Variants in TUSC3 observed in about 807,000 individuals in gnomAD.
TUSC3 encodes tumor suppressor candidate 3.
Under a neutral mutation model 44.8 loss-of-function variants are expected in TUSC3, and 45 were observed. The ratio of observed to expected loss-of-function variants is 1.00; its 90% CI spans 0.79 to 1.29. The LOEUF (loss-of-function observed/expected upper bound fraction) is 1.29, where lower values mean the gene tolerates loss of function less well. Among genes scored for constraint, TUSC3 ranks in the 50% most tolerant of loss-of-function variants. The pLI, the probability that TUSC3 is intolerant of heterozygous loss-of-function variation, is 0.00. For missense variants in TUSC3, 519 were observed against 437.9 expected, an observed-to-expected ratio of 1.19 and a Z score of -1.65; for synonymous variants, 212 against 152.9, an observed-to-expected ratio of 1.39 and a Z score of -2.85.
At chr8:15,718,243 C>T (rs1381128427) in intron 6 of TUSC3, among the ~76,000 whole-genome samples, 1 of 152,054 alleles carries the variant, frequency 6.6e-6, no homozygotes, top group African/African-American at 2.4e-5. Context: ...CAGACAGAAT[C>T]AGTTGGGTCA....
chr8:15,845,415 A>T, the TUSC3 span, among the ~76,000 whole-genome samples: 1 of 152,178 alleles, frequency 6.6e-6, no homozygotes, highest in African/African-American at 2.4e-5. Flanking sequence ...ATTAACATGC[A>T]TATGTGCATG....
intron 2 of TUSC3, among the ~76,000 whole-genome samples, chr8:15,638,839 A>G (rs1438905540): frequency 1.3e-5 from 2 of 152,158 alleles, no homozygotes; most frequent in African/African-American, 4.8e-5. Context: ...GACAAATACT[A>G]GCATTACACT....
In TUSC3 at chr8:15,666,620, G is replaced by C. The variant is rs973087469; in HGVS notation, c.708+4324G>C. 9.9e-5 allele frequency among the ~76,000 whole-genome samples: 15 copies of C among 150,802 alleles called. No individual in the cohort carries two copies. The East Asian group carries it at 2.0e-3, about 20-fold the overall frequency. Reference sequence around the variant, plus strand: ...TTGAGTTCAAATGGGGGTAGAAAAGGGTCTTTTTTCATCCACATTTATTTG... The same window carrying C: ...TTGAGTTCAAATGGGGGTAGAAAAGCGTCTTTTTTCATCCACATTTATTTG... On this transcript the variant is annotated intron_variant, in intron 5 of 10. Transcript: ENST00000503731.
chr8:15,470,768 A>T (rs532672505), intron 1 of TUSC3, among the ~76,000 whole-genome samples: 1 of 152,224 alleles, frequency 6.6e-6, no homozygotes, highest in African/African-American at 2.4e-5. Context: ...GATTTTCTCC[A>T]GTTCCTCTGG....
In TUSC3 at chr8:15,443,684, A is replaced by G. The variant is rs544987221; in HGVS notation, n.91+26379A>G. 2.0e-5 allele frequency among the ~76,000 whole-genome samples: 3 copies of G among 152,276 alleles called. No homozygotes were observed. The South Asian group carries it at 6.2e-4, about 32-fold the overall frequency. On this transcript the variant is annotated intron_variant and non_coding_transcript_variant, in intron 1 of 5. Transcript: ENST00000503191. ...CAAAGCTGCTTCTTGCCTGGAGACT[A>G]GACTGCCTTTGTAGGACTAACAAAC...
At chr8:15,615,690 A>G (rs1804958102) in intron 1 of TUSC3, among the ~76,000 whole-genome samples, 1 of 152,200 alleles carries the variant, frequency 6.6e-6, no homozygotes, top group Non-Finnish European at 1.5e-5. Context: ...GATTTAAATC[A>G]TTACATATTG....
In TUSC3 at chr8:15,581,390, C is replaced by T. The variant is rs1355658755; in HGVS notation, c.138+40822C>T. Among the ~76,000 whole-genome samples, 452 of 149,846 alleles carry T rather than the reference C, an allele frequency of 3.0e-3. 10 individuals are homozygous for T. The highest frequency in any genetic ancestry group is 0.011 in the African/African-American group (422 of 39,840). ...CTGCGTTCCTTTGGAGGAGGAGAGG[C>T]GCTCTGCATTTTAGAGTTTCCAGTT... On this transcript the variant is annotated intron_variant, in intron 1 of 10. Transcript: ENST00000503731.
chr8:15,431,913 A>G (rs1044720590), intron 1 of TUSC3, among the ~76,000 whole-genome samples: 1 of 151,872 alleles, frequency 6.6e-6, no homozygotes, highest in African/African-American at 2.4e-5. Context: ...TGTCTATTAG[A>G]AATTACATTA....
At chr8:15,607,901 G>C (rs1466586490) in intron 1 of TUSC3, among the ~76,000 whole-genome samples, 2 of 151,950 alleles carry the variant, frequency 1.3e-5, no homozygotes, top group Non-Finnish European at 2.9e-5. Context: ...AAATTACTTT[G>C]TCTAGTTATG....
chr8:15,484,464 G>T (rs1800709690), intron 2 of TUSC3, among the ~76,000 whole-genome samples: 1 of 152,240 alleles, frequency 6.6e-6, no homozygotes, highest in South Asian at 2.1e-4. Flanking sequence ...TGCCAGCACA[G>T]TGTAGGACAT....
chr8:15,822,872 T>C, the TUSC3 span, among the ~76,000 whole-genome samples: 1 of 152,144 alleles, frequency 6.6e-6, no homozygotes, highest in African/African-American at 2.4e-5. Context: ...ATCAGTTTTG[T>C]TGGAGATTTG....
At chr8:15,464,874 G>C (rs919326615) in intron 1 of TUSC3, among the ~76,000 whole-genome samples, 2 of 152,084 alleles carry the variant, frequency 1.3e-5, no homozygotes, top group Admixed American at 6.5e-5. Flanking sequence ...GTTTGAGATG[G>C]AGTCTTGCTC....
intron 3 of TUSC3, among the ~76,000 whole-genome samples, chr8:15,655,693 G>T (rs1342174120): frequency 6.6e-6 from 1 of 152,100 alleles, no homozygotes; most frequent in Admixed American, 6.6e-5. Context: ...TTCCTTTGAG[G>T]AGCCAAGAAT....
the TUSC3 span, among the ~76,000 whole-genome samples, chr8:15,848,567 A>G: frequency 6.7e-6 from 1 of 148,314 alleles, no homozygotes; most frequent in Non-Finnish European, 1.5e-5. Flanking sequence ...GCCTGTCAGT[A>G]ATAAACCCAC....
chr8:15,614,401 A>T (rs1804898851), intron 1 of TUSC3, among the ~76,000 whole-genome samples: 1 of 152,148 alleles, frequency 6.6e-6, no homozygotes, highest in Non-Finnish European at 1.5e-5. Flanking sequence ...TCAGTTTTAG[A>T]ACATTTTATC....
At chr8:15,769,835 A>G (rs1320803437), downstream of TUSC3, among the ~76,000 whole-genome samples, 1 of 152,252 alleles carries the variant, frequency 6.6e-6, no homozygotes, top group Non-Finnish European at 1.5e-5. Flanking sequence ...ATCACTGGGC[A>G]TTAGAGAGAT....
intron 2 of TUSC3, among the ~76,000 whole-genome samples, chr8:15,640,092 C>T (rs922043710): frequency 1.3e-5 from 2 of 152,160 alleles, no homozygotes; most frequent in African/African-American, 4.8e-5. Flanking sequence ...AAGGGTGGTT[C>T]ACTGTCCCTG....
chr8:15,602,576 CTT>C (rs1333255422), intron 1 of TUSC3, among the ~76,000 whole-genome samples: 1 of 150,998 alleles, frequency 6.6e-6, no homozygotes, highest in African/African-American at 2.4e-5. Context: ...AAGTACCTGT[CTT>C]TGTGATACTG....
chr8:15,559,332 C>G lies in TUSC3; in HGVS notation c.138+18764C>G, dbSNP rs1802375088. ...GCAGTTTTGAGTGAGATTCTTAACC[C>G]TGAGTTCTAGTTTGATTGCACTGTG... On this transcript the variant is annotated intron_variant, in intron 1 of 10. Coordinates refer to ENST00000503731, the MANE Select transcript of TUSC3 (RefSeq NM_006765.4). 2.0e-5 allele frequency among the ~76,000 whole-genome samples: 3 copies of G among 147,314 alleles called. No homozygotes were observed. The Admixed American group carries it at 2.0e-4, about 10-fold the overall frequency.
Sources: gnomAD v4.1 joint callset for allele counts (sites outside exome capture counted in the v4.1 genomes callset) on GRCh38, gnomAD v4.1.1 for gene constraint, MANE v1.5 for transcripts, NCBI Gene and HGNC (gene_info 2026-07-23, HGNC 2026-07-21) for gene names.